MYO7A: variants seen among roughly 807,000 people sequenced by gnomAD.
The protein encoded by MYO7A is myosin VIIA.
A neutral mutation model predicts 263.8 loss-of-function variants in MYO7A; 210 were observed. The observed-to-expected ratio is 0.80, with a 90% CI of 0.71 to 0.89. The LOEUF (loss-of-function observed/expected upper bound fraction) is 0.89. Ranked by LOEUF, MYO7A falls within the 40% of genes least tolerant of loss-of-function variation. MYO7A has a pLI of 0.00. For missense variants in MYO7A, 2,820 were observed against 2,968.3 expected (o/e 0.95, Z 1.16); for synonymous variants, 1,239 against 1,197.3 (o/e 1.03, Z -0.72).
chr11:77,188,115 G>T (rs1955775811), intron 27 of MYO7A, among the ~76,000 whole-genome samples: 1 of 152,142 alleles, frequency 6.6e-6, no homozygotes, highest in South Asian at 2.1e-4. Context: ...CAAAGGCTGG[G>T]GTGTCAACTC....
rs1591337321 is a variant in MYO7A, at chr11:77,172,607, T to C, written c.1798-141T>C. ...CAGCTCAGAAGGTGGGGAGAGGCAG[T>C]TTGCAGGAAAACTTCAAATACCGCC... On this transcript the variant is annotated intron_variant, in intron 15 of 48. Coordinates refer to ENST00000409709, the MANE Select transcript of MYO7A (RefSeq NM_000260.4). The C allele has an allele frequency of 5.7e-5, 64 of 1,113,236 alleles. No homozygotes were observed. In the South Asian group the frequency reaches 9.5e-4, roughly 17 times the overall value. 69.0% of individuals were successfully genotyped at this position (1,113,236 alleles called of 1,614,324 possible).
intron 16 of MYO7A, among the ~76,000 whole-genome samples, chr11:77,173,262 C>T (rs1555077745): frequency 6.6e-6 from 1 of 152,218 alleles, no homozygotes; most frequent in East Asian, 1.9e-4. Context: ...AGCAAGTGCC[C>T]AGTGATTGGC....
rs1328423490 is a variant in MYO7A, at chr11:77,207,342, C to T, written c.5796C>T (p.Ala1932=). The change falls in exon 42 of 49, where the codon GCC becomes GCT. Residue 1932 remains alanine (A), a synonymous_variant. Transcript: ENST00000409709. ...CCAAGGACTTCTGCCAGAACATCGCCACCAGGCTGCTCCTCAAGTCCTCAG... is the reference window on the plus strand; with the variant it reads ...CCAAGGACTTCTGCCAGAACATCGCTACCAGGCTGCTCCTCAAGTCCTCAG... The part of the protein sequence containing the change: ...TKAKDFCQNI[A]TRLLLKSSEG... The T allele has an allele frequency of 3.1e-6, 5 of 1,612,824 alleles. No individual in the cohort carries two copies. Among genetic ancestry groups the T allele is most frequent in the Non-Finnish European group, 4.2e-6 (5 of 1,179,474 alleles).
In MYO7A at chr11:77,172,845, T is replaced by G. The variant is rs782785036; in HGVS notation, c.1895T>G (p.Phe632Cys). 192 of 1,552,146 alleles carry G rather than the reference T, an allele frequency of 1.2e-4. No homozygotes were observed. The highest frequency in any genetic ancestry group is 1.6e-4 in the Non-Finnish European group (184 of 1,147,380). Residue 632 changes from phenylalanine to cysteine, a missense_variant, in exon 16 of 49, where the codon TTT becomes TGT. Coordinates refer to ENST00000409709, the MANE Select transcript of MYO7A (RefSeq NM_000260.4). ...ACGCTGGGTGCCTGCCAGCCCTTCTTTGTGCGATGCATCAAGCCCAATGAG... is the reference window on the plus strand; with the variant it reads ...ACGCTGGGTGCCTGCCAGCCCTTCTGTGTGCGATGCATCAAGCCCAATGAG... ...MRTLGACQPF[F>C]VRCIKPNEFK...
intron 48 of MYO7A, 93 bp downstream of exon 48, chr11:77,214,072 G>A (rs1370966390): frequency 2.0e-5 from 31 of 1,552,548 alleles, no homozygotes; most frequent in Admixed American, 5.2e-5. Flanking sequence ...AGTAGTGTGC[G>A]GCTGGGCCTG....
chr11:77,152,658 C>T (rs560762271), intron 4 of MYO7A, among the ~76,000 whole-genome samples: 111 of 152,020 alleles, frequency 7.3e-4, no homozygotes, highest in Admixed American at 4.2e-3. Context: ...CTCTTTCGGC[C>T]GCTCAGCAAA....
In MYO7A at chr11:77,158,345, G is replaced by A. The variant is rs1199309685; in HGVS notation, c.918G>A (p.Lys306=). The change falls in exon 9 of 49, where the codon AAG becomes AAA. Residue 306 remains lysine (K), a synonymous_variant. Transcript: ENST00000409709. ...ACGCCAACATCCGCTCCGCCATGAAGGTGCTCATGTTCACTGACACCGAGA... is the reference window on the plus strand; with the variant it reads ...ACGCCAACATCCGCTCCGCCATGAAAGTGCTCATGTTCACTGACACCGAGA... The part of the protein sequence containing the change: ...QEYANIRSAM[K]VLMFTDTENW... 6.2e-7 allele frequency: 1 copy of A among 1,613,330 alleles called. No individual in the cohort carries two copies. Among genetic ancestry groups the A allele is most frequent in the African/African-American group, 1.3e-5 (1 of 74,924 alleles).
At chr11:77,176,070 C>G (rs1279438908) in intron 18 of MYO7A, among the ~76,000 whole-genome samples, 6 of 152,224 alleles carry the variant, frequency 3.9e-5, no homozygotes, top group Admixed American at 3.9e-4. Context: ...GCTCCCAGTG[C>G]TGGGCTTCCC....
chr11:77,184,937 T>C (rs1955553489), intron 27 of MYO7A: 1 of 806,106 alleles, frequency 1.2e-6, no homozygotes, highest in South Asian at 1.5e-5. Flanking sequence ...CTTGGAGATA[T>C]TGCAGGTTCA....
chr11:77,137,828 C>T (rs1238064863), intron 2 of MYO7A, among the ~76,000 whole-genome samples: 17 of 152,144 alleles, frequency 1.1e-4, no homozygotes, highest in African/African-American at 4.1e-4. Context: ...GGGCTTTCCC[C>T]CAAACTTACC....
intron 4 of MYO7A, among the ~76,000 whole-genome samples, chr11:77,149,507 G>T (rs1406811178): frequency 6.6e-6 from 1 of 152,198 alleles, no homozygotes; most frequent in Non-Finnish European, 1.5e-5. Context: ...ATGAAGGGGT[G>T]CTAGGGCCCA....
At position 77,205,600 on chromosome 11, in the gene MYO7A, G is replaced by A. The variant is rs45450893; in HGVS notation, c.5619G>A (p.Arg1873=). ...CACTCGCCATCGACTGCCTGCAACG[G>A]CTCCAGAAAGCCCTGAGGTACAGCG... ...HCPLAIDCLQ[R]LQKALRNGSR... is the part of the protein sequence containing the mutation. Residue 1873 remains arginine (R), a synonymous_variant, in exon 40 of 49, where the codon CGG becomes CGA. Coordinates refer to ENST00000409709, the MANE Select transcript of MYO7A (RefSeq NM_000260.4). 34,725 of 1,613,468 alleles carry A rather than the reference G, an allele frequency of 0.022. 478 individuals carry two copies. Among genetic ancestry groups the A allele is most frequent in the Non-Finnish European group, 0.026 (30,950 of 1,179,794 alleles).
intron 4 of MYO7A, 123 bp downstream of exon 4, chr11:77,148,073 G>T: frequency 1.1e-6 from 1 of 927,536 alleles, no homozygotes; most frequent in Non-Finnish European, 1.5e-6. Context: ...CTGAGACTTT[G>T]TCCGCTGTGC....
chr11:77,131,683 C>T (rs1383779450), intron 2 of MYO7A, among the ~76,000 whole-genome samples: 1 of 152,232 alleles, frequency 6.6e-6, no homozygotes, highest in African/African-American at 2.4e-5. Context: ...CTGATGGGAC[C>T]TCCTCACCAC....
rs779796704 is a variant in MYO7A, at chr11:77,206,119, C to T, written c.5659C>T (p.Pro1887Ser). 3 of 1,613,024 alleles carry T rather than the reference C, an allele frequency of 1.9e-6. No individual in the cohort carries two copies. Among genetic ancestry groups the T allele is most frequent in the Non-Finnish European group, 2.5e-6 (3 of 1,179,556 alleles). Residue 1887 changes from proline to serine, a missense_variant, in exon 41 of 49, where the codon CCG becomes TCG. Transcript: ENST00000409709. Reference sequence around the variant, plus strand: ...CAGAAACGGGTCCCGGAAGTACCCTCCGCACCTGGTGGAGGTGGAGGCCAT... The same window carrying T: ...CAGAAACGGGTCCCGGAAGTACCCTTCGCACCTGGTGGAGGTGGAGGCCAT... ...ALRNGSRKYP[P>S]HLVEVEAIQH...
At chr11:77,207,122 C>T (rs1263242539) in intron 41 of MYO7A, 167 bp from the exon 42 acceptor site, 1 of 553,370 alleles carries the variant, frequency 1.8e-6, no homozygotes, top group Non-Finnish European at 3.2e-6. Context: ...AAGACCCAGA[C>T]AGGAGTAGCC....
In MYO7A at chr11:77,158,306, G is replaced by A. The variant is rs185844002; in HGVS notation, c.879G>A (p.Val293=). 321 of 1,610,076 alleles carry A rather than the reference G, an allele frequency of 2.0e-4. 1 individual carries two copies. Among genetic ancestry groups the A allele is most frequent in the Admixed American group, 6.5e-4 (39 of 59,848 alleles). ...ACTGCATAACCTGTGAGGGCCGGGT[G>A]GACAGCCAGGAGTACGCCAACATCC... The part of the protein sequence containing the change: ...MGNCITCEGR[V]DSQEYANIRS... The change falls in exon 9 of 49, where the codon GTG becomes GTA. Residue 293 remains valine (V), a synonymous_variant. Transcript: ENST00000409709.
chr11:77,142,883 G>A, intron 3 of MYO7A, 61 bp downstream of exon 3: 1 of 1,360,306 alleles, frequency 7.4e-7, no homozygotes, highest in Non-Finnish European at 1.0e-6. Context: ...GCTGACAGCT[G>A]CCTTGATGCA....
chr11:77,184,788 G>A, intron 27 of MYO7A, 73 bp downstream of exon 27: 1 of 1,567,654 alleles, frequency 6.4e-7, no homozygotes, highest in Non-Finnish European at 8.7e-7. Context: ...TGTCAACCTA[G>A]CAAGAGATTA....
Sources: gnomAD v4.1 joint callset for allele counts (sites outside exome capture counted in the v4.1 genomes callset) on GRCh38, gnomAD v4.1.1 for gene constraint, MANE v1.5 for transcripts, NCBI Gene and HGNC (gene_info 2026-07-23, HGNC 2026-07-21) for gene names.